Variants in CIMIP4 observed in about 807,000 individuals in gnomAD.
The protein encoded by CIMIP4 is ciliary microtubule inner protein 4.
the CIMIP4 span, among the ~76,000 whole-genome samples, chr22:36,993,513 A>T: frequency 1.3e-5 from 2 of 151,948 alleles, no homozygotes; most frequent in Non-Finnish European, 2.9e-5. Flanking sequence ...GCCACAAAGA[A>T]AAAGCAGCAC....
At chr22:36,996,413 A>T in the CIMIP4 span, among the ~76,000 whole-genome samples, 1 of 152,098 alleles carries the variant, frequency 6.6e-6, no homozygotes, top group Admixed American at 6.6e-5. Flanking sequence ...ATATAATTTT[A>T]AAAAGATATC....
chr22:36,991,448 C>T, the CIMIP4 span: 2 of 1,604,676 alleles, frequency 1.2e-6, no homozygotes, highest in African/African-American at 1.3e-5. Flanking sequence ...GAGGACAGTC[C>T]CTGCCTCCCA....
the CIMIP4 span, among the ~76,000 whole-genome samples, chr22:36,993,345 A>G: frequency 6.6e-6 from 1 of 152,166 alleles, no homozygotes; most frequent in Non-Finnish European, 1.5e-5. Context: ...AGTGTTCAGG[A>G]AAACACAAAT....
At chr22:37,004,746 A>G in the CIMIP4 span, among the ~76,000 whole-genome samples, 93,704 of 151,178 alleles carry the variant, frequency 0.62, 30,019 homozygotes, top group African/African-American at 0.79. Flanking sequence ...GGAGTACAGT[A>G]GTGCAATCTC....
At chr22:36,999,934 T>C in the CIMIP4 span, 441 of 1,613,978 alleles carry the variant, frequency 2.7e-4, 3 homozygotes, top group African/African-American at 4.3e-3. Flanking sequence ...TGCTGGGCCA[T>C]GAGCTTGCCC....
the CIMIP4 span, among the ~76,000 whole-genome samples, chr22:36,999,383 G>A: frequency 1.3e-5 from 2 of 149,948 alleles, no homozygotes; most frequent in East Asian, 2.0e-4. Context: ...ATGGGGGCAG[G>A]GGGGTAGCTG....
chr22:36,997,329 C>T, the CIMIP4 span, among the ~76,000 whole-genome samples: 2 of 152,230 alleles, frequency 1.3e-5, no homozygotes. Context: ...ACCTGCTCCC[C>T]CTGGCAGCTT....
chr22:37,004,118 G>T, the CIMIP4 span: 2 of 1,189,226 alleles, frequency 1.7e-6, no homozygotes, highest in Non-Finnish European at 2.3e-6. Flanking sequence ...AAGGCCTGTG[G>T]CTGTCTGCCC....
chr22:37,007,317 A>G, the CIMIP4 span, among the ~76,000 whole-genome samples: 1 of 152,220 alleles, frequency 6.6e-6, no homozygotes, highest in African/African-American at 2.4e-5. Flanking sequence ...CGGAGACACT[A>G]CTAATTTATC....
At chr22:36,999,954 C>T in the CIMIP4 span, 8 of 1,613,408 alleles carry the variant, frequency 5.0e-6, no homozygotes, top group Non-Finnish European at 6.8e-6. Flanking sequence ...CTTTTCTGGC[C>T]CTCGAAGACT....
At chr22:37,004,926 G>A in the CIMIP4 span, among the ~76,000 whole-genome samples, 1 of 152,030 alleles carries the variant, frequency 6.6e-6, no homozygotes, top group East Asian at 1.9e-4. Context: ...GGCCTCAAGT[G>A]ATCCACCCGC....
At chr22:36,992,472 G>A in the CIMIP4 span, among the ~76,000 whole-genome samples, 1 of 151,998 alleles carries the variant, frequency 6.6e-6, no homozygotes, top group African/African-American at 2.4e-5. Context: ...AGAAGCAAAC[G>A]GAATTTCAGA....
the CIMIP4 span, among the ~76,000 whole-genome samples, chr22:37,002,914 T>C: frequency 6.6e-6 from 1 of 151,912 alleles, no homozygotes; most frequent in Admixed American, 6.6e-5. Flanking sequence ...CCAGGCTCTC[T>C]CCTCCCCGCC....
chr22:37,004,957 G>A, the CIMIP4 span, among the ~76,000 whole-genome samples: 1 of 152,060 alleles, frequency 6.6e-6, no homozygotes, highest in Non-Finnish European at 1.5e-5. Context: ...CAAAGTGCTG[G>A]GATTACAGGT....
the CIMIP4 span, chr22:36,991,492 G>A: frequency 3.1e-6 from 5 of 1,614,042 alleles, no homozygotes; most frequent in African/African-American, 2.7e-5. Flanking sequence ...CAGATCATCC[G>A]TCTTCCTGCC....
At chr22:36,995,723 G>A in the CIMIP4 span, among the ~76,000 whole-genome samples, 21 of 152,206 alleles carry the variant, frequency 1.4e-4, no homozygotes, top group African/African-American at 4.8e-4. Context: ...TCTTTCACTT[G>A]GTTCCCATTC....
At chr22:37,005,726 A>G in the CIMIP4 span, among the ~76,000 whole-genome samples, 1 of 152,228 alleles carries the variant, frequency 6.6e-6, no homozygotes, top group African/African-American at 2.4e-5. Context: ...TGAATGATTT[A>G]GCTAAAGAGT....
At chr22:37,002,885 G>A in the CIMIP4 span, among the ~76,000 whole-genome samples, 2 of 152,036 alleles carry the variant, frequency 1.3e-5, no homozygotes, top group East Asian at 1.9e-4. Flanking sequence ...CTGAGAAGTG[G>A]CACCATCCCA....
At chr22:36,991,518 G>A in the CIMIP4 span, 1 of 1,614,186 alleles carries the variant, frequency 6.2e-7, no homozygotes, top group Non-Finnish European at 8.5e-7. Context: ...AGTGTTCTAA[G>A]TCCCTCACTG....
Sources: gnomAD v4.1 joint callset for allele counts (sites outside exome capture counted in the v4.1 genomes callset) on GRCh38, gnomAD v4.1.1 for gene constraint, MANE v1.5 for transcripts, NCBI Gene and HGNC (gene_info 2026-07-23, HGNC 2026-07-21) for gene names.